The following CALN1 variants were observed in gnomAD, a reference collection of about 807,000 sequenced individuals.
CALN1 encodes the protein calneuron 1, also known as calcium-binding protein 8.
CALN1 carries 17 observed loss-of-function variants against 30.6 expected under a neutral mutation model. The observed-to-expected ratio is 0.56, with a 90% confidence interval of 0.38 to 0.83. The LOEUF (loss-of-function observed/expected upper bound fraction) is 0.83, where lower values mean the gene tolerates loss of function less well. CALN1 is among the 40% of genes least tolerant of loss of function. The pLI, the probability that CALN1 is intolerant of heterozygous loss-of-function variation, is 0.00. For synonymous variants in CALN1, 156 were observed against 131.4 expected (o/e 1.19, Z -1.28); for missense variants, 291 against 354.9 (o/e 0.82, Z 1.45).
Position 71,927,354 on chromosome 7 carries a change from C to T in CALN1, c.501+96303G>A, listed in dbSNP as rs180894134. On this transcript the variant is annotated intron_variant, in intron 5 of 6. Coordinates refer to ENST00000395275, the MANE Select transcript of CALN1 (RefSeq NM_031468.4). ...CCTCCTGAGTAGCTGAGACCACAGG[C>T]GTGCACCACCATGCCTGGCTAATTT... Among the ~76,000 whole-genome samples, 442 of 152,190 alleles carry T rather than the reference C, an allele frequency of 2.9e-3. 1 individual carries two copies. The highest frequency in any genetic ancestry group is 9.9e-3 in the African/African-American group (413 of 41,552).
At chr7:71,921,561 T>C (rs1300270439) in intron 5 of CALN1, among the ~76,000 whole-genome samples, 1 of 152,144 alleles carries the variant, frequency 6.6e-6, no homozygotes, top group African/African-American at 2.4e-5. Flanking sequence ...ACATATATTA[T>C]CAGGATGGAC....
At chr7:72,220,584 G>C (rs375111323) in intron 3 of CALN1, among the ~76,000 whole-genome samples, 9 of 150,924 alleles carry the variant, frequency 6.0e-5, no homozygotes, top group South Asian at 2.1e-4. Context: ...GGTCAAATGG[G>C]ATTTCTAGTT....
chr7:72,282,284 A>G (rs996727288), intron 2 of CALN1, among the ~76,000 whole-genome samples: 2 of 152,234 alleles, frequency 1.3e-5, no homozygotes, highest in African/African-American at 4.8e-5. Context: ...AAACAAAAAT[A>G]AATAAATATT....
At chr7:72,207,997 T>C (rs183338803) in intron 3 of CALN1, among the ~76,000 whole-genome samples, 1 of 152,322 alleles carries the variant, frequency 6.6e-6, no homozygotes, top group Admixed American at 6.5e-5. Flanking sequence ...TATTTTCTTA[T>C]CAATGTATTG....
chr7:72,170,439 G>A (rs552916270), intron 3 of CALN1, among the ~76,000 whole-genome samples: 5 of 152,304 alleles, frequency 3.3e-5, no homozygotes, highest in South Asian at 2.1e-4. Context: ...TCAACCAGAT[G>A]AGCAGCAGCT....
chr7:72,164,213 C>G (rs1324375161), intron 3 of CALN1, among the ~76,000 whole-genome samples: 1 of 151,818 alleles, frequency 6.6e-6, no homozygotes, highest in Non-Finnish European at 1.5e-5. Flanking sequence ...ACTAAAAATA[C>G]AAAAATTAGC....
At chr7:72,392,700 A>G (rs1015368800) in intron 2 of CALN1, among the ~76,000 whole-genome samples, 1 of 152,172 alleles carries the variant, frequency 6.6e-6, no homozygotes, top group Non-Finnish European at 1.5e-5. Context: ...GTACAGGTCA[A>G]TGCAGTGGCA....
rs753890769 is a variant in CALN1 at position 72,023,712 on chromosome 7, G to C, written c.446C>G (p.Ser149Cys). The change falls in exon 5 of 7, where the codon TCT (serine) becomes TGT (cysteine). Residue 149 changes from serine to cysteine, a missense_variant. Ser to Cys is a moderately radical substitution (Grantham distance 112). Around this residue, in one of 2 missense-constraint regions of CALN1, gnomAD observed 169 missense variants for 251.7 expected, o/e 0.67. Coordinates refer to ENST00000395275, the MANE Select transcript of CALN1 (RefSeq NM_031468.4). ...FMTILGPKLV[S>C]SEGRDGFLGN... ...AAGAAAACCATCGCGACCTTCTGAAGACACCAGTTTGGGGCCAAGAATGGT... is the reference window on the plus strand; with the variant it reads ...AAGAAAACCATCGCGACCTTCTGAACACACCAGTTTGGGGCCAAGAATGGT... 5 of 1,613,984 alleles carry C rather than the reference G, an allele frequency of 3.1e-6. No homozygotes were observed. The highest frequency in any genetic ancestry group is 3.4e-6 in the Non-Finnish European group (4 of 1,179,966).
intron 5 of CALN1, among the ~76,000 whole-genome samples, chr7:71,826,667 G>A (rs980743219): frequency 1.3e-5 from 2 of 152,152 alleles, no homozygotes; most frequent in Non-Finnish European, 2.9e-5. Context: ...TGCCTGCCCG[G>A]CATCAGATGA....
At chr7:72,163,956 G>GA (rs1285327206) in intron 3 of CALN1, among the ~76,000 whole-genome samples, 1 of 151,654 alleles carries the variant, frequency 6.6e-6, no homozygotes, top group Non-Finnish European at 1.5e-5. Context: ...AAGAAAGAAA[G>GA]AAAAAATGTA....
intron 5 of CALN1, among the ~76,000 whole-genome samples, chr7:72,000,939 T>C (rs1289041487): frequency 6.6e-6 from 1 of 152,044 alleles, no homozygotes; most frequent in Non-Finnish European, 1.5e-5. Flanking sequence ...GGGCAGGTAG[T>C]TGTTAAGTTG....
the CALN1 span, among the ~76,000 whole-genome samples, chr7:72,487,737 G>GAAA: frequency 1.7e-3 from 173 of 99,242 alleles, 4 homozygotes; most frequent in African/African-American, 7.5e-3. Context: ...AAGAAAGAAA[G>GAAA]GAAGGAAGGA....
chr7:72,094,447 T>A (rs1256362149), intron 4 of CALN1, among the ~76,000 whole-genome samples: 1 of 152,030 alleles, frequency 6.6e-6, no homozygotes, highest in African/African-American at 2.4e-5. Context: ...AGAGATGAGG[T>A]TTTTCCCTGT....
intron 2 of CALN1, chr7:72,336,752 A>T (rs1802077479): frequency 1.0e-5 from 10 of 985,170 alleles, no homozygotes; most frequent in Non-Finnish European, 1.2e-5. Context: ...GCGCCTCCGC[A>T]CAGCGCGGGG....
intron 3 of CALN1, among the ~76,000 whole-genome samples, chr7:72,196,690 G>T (rs1438925781): frequency 1.3e-5 from 2 of 152,190 alleles, no homozygotes; most frequent in African/African-American, 4.8e-5. Flanking sequence ...AAGGCAGCAG[G>T]GAGAAATCGG....
At chr7:72,222,899 T>C (rs760851532) in intron 3 of CALN1, among the ~76,000 whole-genome samples, 2 of 152,092 alleles carry the variant, frequency 1.3e-5, no homozygotes, top group Non-Finnish European at 2.9e-5. Context: ...TGTGCACCTG[T>C]AGTCCCAGCT....
chr7:72,026,938 T>C (rs966236835), intron 4 of CALN1, among the ~76,000 whole-genome samples: 1 of 152,166 alleles, frequency 6.6e-6, no homozygotes, highest in Non-Finnish European at 1.5e-5. Context: ...ATTTGTGCAG[T>C]AACTCTCTGC....
intron 5 of CALN1, among the ~76,000 whole-genome samples, chr7:71,848,189 G>C (rs1047804000): frequency 6.6e-6 from 1 of 152,206 alleles, no homozygotes; most frequent in Non-Finnish European, 1.5e-5. Context: ...GAATTGTAAA[G>C]AACTGTTCAG....
At chr7:72,079,890 C>T (rs889115404) in intron 4 of CALN1, among the ~76,000 whole-genome samples, 4 of 151,398 alleles carry the variant, frequency 2.6e-5, no homozygotes, top group African/African-American at 9.7e-5. Flanking sequence ...CCTGCCTCAG[C>T]CTCCCGAGTA....
Sources: allele counts gnomAD v4.1 joint callset (sites outside exome capture counted in the v4.1 genomes callset), GRCh38; gene constraint gnomAD v4.1.1; regional missense constraint gnomAD v4.1.1; transcripts MANE v1.5; gene names NCBI Gene and HGNC (gene_info 2026-07-23, HGNC 2026-07-21).